The following DAG1 variants were observed in gnomAD, a reference collection of about 807,000 sequenced individuals.
DAG1 encodes the protein dystroglycan 1 (dystrophin-associated glycoprotein 1).
A neutral mutation model predicts 46.1 loss-of-function variants in DAG1; 8 were observed. The ratio of observed to expected loss-of-function variants is 0.17; its 90% CI spans 0.10 to 0.31. The LOEUF (loss-of-function observed/expected upper bound fraction) is 0.31. Among genes scored for constraint, DAG1 ranks in the 10% least tolerant of loss-of-function variants. DAG1 has a pLI of 1.00. For missense variants in DAG1, 1,003 were observed against 1,189.9 expected (o/e 0.84, Z 2.31); for synonymous variants, 495 against 481.8 (o/e 1.03, Z -0.36).
intron 2 of DAG1, among the ~76,000 whole-genome samples, chr3:49,516,679 G>T (rs894882048): frequency 1.3e-5 from 2 of 152,186 alleles, no homozygotes; most frequent in Non-Finnish European, 2.9e-5. Flanking sequence ...CTGTATTCTT[G>T]TGATATGCCC....
chr3:49,525,684 G>A (rs1003318958), intron 2 of DAG1, among the ~76,000 whole-genome samples: 5 of 150,642 alleles, frequency 3.3e-5, no homozygotes, highest in African/African-American at 7.3e-5. Flanking sequence ...TCAGCCTCCC[G>A]AGTAGCTGGG....
chr3:49,527,651 C>G (rs1436127389), intron 2 of DAG1, among the ~76,000 whole-genome samples: 1 of 152,146 alleles, frequency 6.6e-6, no homozygotes, highest in South Asian at 2.1e-4. Context: ...TGCAGTGAGC[C>G]GAGATCACGC....
rs2051438933 is a variant in DAG1, at chr3:49,533,855, G to A, written c.*656G>A. The A allele has an allele frequency of 5.6e-6, 1 of 179,554 alleles. No individual in the cohort carries two copies. The highest frequency in any genetic ancestry group is 1.2e-5 in the Non-Finnish European group (1 of 84,478). 11.1% of individuals were successfully genotyped at this position (179,554 alleles called of 1,614,324 possible). ...CTATTTTTTCACACTACGTCAACTT[G>A]GTTGCTCTGATACCCCAGAGCCTGA... is the stretch of plus-strand genomic sequence containing the variant. On this transcript the variant is annotated 3_prime_UTR_variant, in exon 3 of 3. Transcript: ENST00000308775.
At chr3:49,504,092 T>G (rs2050530126) in intron 1 of DAG1, among the ~76,000 whole-genome samples, 2 of 152,180 alleles carry the variant, frequency 1.3e-5, no homozygotes, top group Admixed American at 6.6e-5. Context: ...ACATTTCCAT[T>G]GCCACAGGAT....
intron 2 of DAG1, among the ~76,000 whole-genome samples, chr3:49,522,434 G>C (rs1559571770): frequency 6.6e-6 from 1 of 151,142 alleles, no homozygotes. Context: ...GAAGTGCTGC[G>C]ATTGCAGGCT....
At chr3:49,513,016 C>T (rs2050804210) in intron 2 of DAG1, among the ~76,000 whole-genome samples, 1 of 152,102 alleles carries the variant, frequency 6.6e-6, no homozygotes, top group Non-Finnish European at 1.5e-5. Flanking sequence ...ATTTAGTGCT[C>T]TGGCTTTCTG....
intron 1 of DAG1, among the ~76,000 whole-genome samples, chr3:49,473,475 T>G (rs1320970226): frequency 6.6e-6 from 1 of 151,932 alleles, no homozygotes; most frequent in East Asian, 1.9e-4. Flanking sequence ...TACTTGAACC[T>G]GGGGTACTGC....
At position 49,533,348 on chromosome 3, in the gene DAG1, G is replaced by A. The variant is rs570068737; in HGVS notation, c.*149G>A. On this transcript the variant is annotated 3_prime_UTR_variant, in exon 3 of 3. Transcript: ENST00000308775. ...CTGACACAGGGGCCTGGACAAGCCCGCCCTCTCTGGTCCTCCCAAACCCCA... is the reference window on the plus strand; with the variant it reads ...CTGACACAGGGGCCTGGACAAGCCCACCCTCTCTGGTCCTCCCAAACCCCA... The A allele has an allele frequency of 1.0e-3, 1,236 of 1,199,404 alleles. 1 individual carries two copies. Among genetic ancestry groups the A allele is most frequent in the Admixed American group, 1.9e-3 (98 of 50,594 alleles). 74.3% of individuals were successfully genotyped at this position (1,199,404 alleles called of 1,614,324 possible).
intron 1 of DAG1, among the ~76,000 whole-genome samples, chr3:49,480,407 C>G (rs1284743485): frequency 1.3e-5 from 2 of 151,380 alleles, no homozygotes; most frequent in African/African-American, 2.4e-5. Context: ...TCCCGAGTAG[C>G]TGGGACTACA....
At position 49,526,131 on chromosome 3, in the gene DAG1, G is replaced by A. The variant is rs1334968402; in HGVS notation, c.286-4666G>A. On this transcript the variant is annotated intron_variant, in intron 2 of 2. Transcript: ENST00000308775. The stretch of plus-strand genomic sequence containing the variant: ...CTCCCAAAGTACTAGGATTATAGGC[G>A]TGAGCCTCTGCTCCCGGCCTACACA... Among the ~76,000 whole-genome samples, 6 of 152,326 alleles carry A rather than the reference G, an allele frequency of 3.9e-5. No homozygotes were observed. The East Asian group carries it at 9.6e-4, about 24-fold the overall frequency.
chr3:49,472,455 C>T (rs2049548062), intron 1 of DAG1, among the ~76,000 whole-genome samples: 1 of 152,068 alleles, frequency 6.6e-6, no homozygotes, highest in South Asian at 2.1e-4. Context: ...GGAGGGACCA[C>T]TTAGGGACCA....
intron 1 of DAG1, among the ~76,000 whole-genome samples, chr3:49,486,941 G>C (rs1025703508): frequency 6.6e-6 from 1 of 152,150 alleles, no homozygotes. Context: ...CCAGGCTGGA[G>C]TGCAGTGGTG....
Position 49,504,971 on chromosome 3 carries a change from C to CTTCT in DAG1, c.-116-5446_-116-5445insCTTT, listed in dbSNP as rs1553647316. ...GTCCCTCCACCATTACAGTCTTCTT[C>CTTCT]TTTTTTTTTTTTTTTAATTTTAAAA... On this transcript the variant is annotated intron_variant, in intron 1 of 2. Transcript: ENST00000308775. 8.8e-4 allele frequency among the ~76,000 whole-genome samples: 123 copies of CTTCT among 139,158 alleles called. 1 individual carries two copies. The highest frequency in any genetic ancestry group is 2.3e-3 in the East Asian group (11 of 4,792). The allele number at this position is 139,158 out of a possible 152,430, so 91.3% of individuals were successfully genotyped here. A position where few individuals can be genotyped will look rare whatever the true frequency, so the allele number is the denominator to read the frequency against.
In DAG1 at chr3:49,470,322, C is replaced by G. The variant is rs2049472458; in HGVS notation, c.-228C>G. ...CGGCGCGGCGCTCGCGCCTCTTAGG[C>G]TTGGCGGTGGCGGCGGCGGCAGCTT... On this transcript the variant is annotated 5_prime_UTR_variant, in exon 1 of 3. Coordinates refer to ENST00000308775, the MANE Select transcript of DAG1 (RefSeq NM_004393.6). 1 of 152,644 alleles carries G rather than the reference C, an allele frequency of 6.6e-6. No individual in the cohort carries two copies. The highest frequency in any genetic ancestry group is 2.1e-4 in the South Asian group (1 of 4,850). 9.5% of individuals were successfully genotyped at this position (152,644 alleles called of 1,614,324 possible). A position where few individuals can be genotyped will look rare whatever the true frequency, so the allele number is the denominator to read the frequency against.
chr3:49,487,722 T>G (rs2050075069), intron 1 of DAG1, among the ~76,000 whole-genome samples: 1 of 122,502 alleles, frequency 8.2e-6, no homozygotes, highest in African/African-American at 3.1e-5. Context: ...TTGTTTGAGA[T>G]GGGATCGTGC....
intron 2 of DAG1, among the ~76,000 whole-genome samples, chr3:49,524,059 C>T (rs988005403): frequency 7.2e-5 from 11 of 152,154 alleles, no homozygotes; most frequent in African/African-American, 2.7e-4. Flanking sequence ...TGATCCAGAG[C>T]CTATAAGTTT....
intron 2 of DAG1, among the ~76,000 whole-genome samples, chr3:49,526,794 C>T (rs2051184080): frequency 2.0e-5 from 3 of 152,208 alleles, no homozygotes; most frequent in Admixed American, 2.0e-4. Context: ...GCTCATTTCT[C>T]ATCTCCCATC....
chr3:49,533,027 C>A lies in DAG1; in HGVS notation c.2516C>A (p.Thr839Asn), dbSNP rs2051410462. 6.2e-7 allele frequency: 1 copy of A among 1,614,000 alleles called. No individual in the cohort carries two copies. Among genetic ancestry groups the A allele is most frequent in the Admixed American group, 1.7e-5 (1 of 60,006 alleles). The change falls in exon 3 of 3, where the codon ACC (threonine) becomes AAC (asparagine). Residue 839 changes from threonine to asparagine, a missense_variant. By Grantham distance (65) the Thr-to-Asn change is moderately conservative. Transcript: ENST00000308775. ...TACCCCAACCAGAGTGTGCCCGAGA[C>A]CACTCCTCTGAACCAGGACACCATG... is the stretch of plus-strand genomic sequence containing the variant. ...PEYPNQSVPE[T>N]TPLNQDTMGE...
chr3:49,513,418 T>G (rs534008737), intron 2 of DAG1, among the ~76,000 whole-genome samples: 1 of 152,266 alleles, frequency 6.6e-6, no homozygotes, highest in Non-Finnish European at 1.5e-5. Flanking sequence ...ACTCCATTGG[T>G]CAAAGCACAT....
Sources: gnomAD v4.1 joint callset for allele counts (sites outside exome capture counted in the v4.1 genomes callset) on GRCh38, gnomAD v4.1.1 for gene constraint, MANE v1.5 for transcripts, NCBI Gene and HGNC (gene_info 2026-07-23, HGNC 2026-07-21) for gene names.